Variants in LGI3 observed in about 807,000 individuals in gnomAD.
LGI3 encodes the protein leucine-rich repeat LGI family member 3.
A neutral mutation model predicts 55.4 loss-of-function variants in LGI3; 47 were observed. The observed-to-expected ratio is 0.85, with a 90% confidence interval of 0.67 to 1.08. The LOEUF (loss-of-function observed/expected upper bound fraction) is 1.08. Among genes scored for constraint, LGI3 ranks in the 50% least tolerant of loss-of-function variants. The pLI is 0.00. For synonymous variants in LGI3, 326 were observed against 315.0 expected (o/e 1.04, Z -0.37); for missense variants, 664 against 726.3 (o/e 0.91, Z 0.99).
chr8:22,154,496 G>C (rs565946310), intron 3 of LGI3, 64 bp downstream of exon 3: 2 of 1,426,992 alleles, frequency 1.4e-6, no homozygotes, highest in Non-Finnish European at 2.0e-6. Context: ...CCAGTCCCTC[G>C]GCCTCCCAGG....
intron 6 of LGI3, 63 bp downstream of exon 6, chr8:22,151,768 C>T (rs1827381933): frequency 3.2e-6 from 5 of 1,570,734 alleles, no homozygotes; most frequent in South Asian, 1.2e-5. Flanking sequence ...TGGGGGGTTT[C>T]GTGTCTGTAA....
chr8:22,148,924 C>A lies in LGI3; in HGVS notation c.883G>T (p.Val295Phe). The stretch of plus-strand genomic sequence containing the variant: ...GAGCCGCCAAACAGCTGGGCCACGA[C>A]CACGTACAGCTGGCTGTCCACCACC... Reference protein sequence around the residue: ...PMVVDSQLYVVVAQLFGGSYI... With the variant: ...PMVVDSQLYVFVAQLFGGSYI... The change falls in exon 8 of 8, where the codon GTC becomes TTC. Residue 295 changes from valine (V) to phenylalanine (F), a missense_variant. Val to Phe is a conservative substitution (Grantham distance 50). Transcript: ENST00000306317. This position sits in a 1 kb window ranked among gnomAD's most constrained non-coding sequence, Gnocchi z 7.0. The A allele has an allele frequency of 2.5e-6, 4 of 1,614,028 alleles. No homozygotes were observed. The highest frequency in any genetic ancestry group is 3.4e-6 in the Non-Finnish European group (4 of 1,179,974).
At position 22,148,754 on chromosome 8, in the gene LGI3, T is replaced by A. The variant is rs1243144386; in HGVS notation, c.1053A>T (p.Ala351=). 5.0e-6 allele frequency: 8 copies of A among 1,614,048 alleles called. No homozygotes were observed. The highest frequency in any genetic ancestry group is 6.8e-6 in the Non-Finnish European group (8 of 1,180,030). ...GCCAGCGGTAGAGGCTGGTGGCGCC[T>A]GCCTTGGAGCTGTCAGCCACGGCAA... ...WYFAVADSSK[A]GATSLYRWHQ... is the part of the protein sequence containing the mutation. The change falls in exon 8 of 8, where the codon GCA becomes GCT. Residue 351 remains alanine (A), a synonymous_variant. Transcript: ENST00000306317. This position sits in a 1 kb window ranked among gnomAD's most constrained non-coding sequence, Gnocchi z 7.0.
rs578035644 is a variant in LGI3 at position 22,149,489 on chromosome 8, G to A, written c.830-512C>T. Among the ~76,000 whole-genome samples, 5 of 152,280 alleles carry A rather than the reference G, an allele frequency of 3.3e-5. No homozygotes were observed. In the East Asian group the frequency reaches 5.8e-4, roughly 18 times the overall value. On this transcript the variant is annotated intron_variant, in intron 7 of 7. Transcript: ENST00000306317. ...GGGAGAATTTGAGTGGATCCACAGC[G>A]GGGAGAGAAATCTTAGGTATACCCA...
In LGI3 at chr8:22,151,932, G is replaced by A. The variant is rs1291876665; in HGVS notation, c.563C>T (p.Thr188Ile). ...GTAGATGGGTGCCACCGTGGTGTTG[G>A]TGTGTGCCAGCCACTCCACCAACCA... is the stretch of plus-strand genomic sequence containing the variant. ...VKWLVEWLAH[T>I]NTTVAPIYCA... Residue 188 changes from threonine (T) to isoleucine (I), a missense_variant, in exon 6 of 8, where the codon ACC becomes ATC. Physicochemically the swap from Thr to Ile is moderately conservative, Grantham distance 89 (BLOSUM62 -1). Transcript: ENST00000306317. The A allele has an allele frequency of 6.2e-7, 1 of 1,613,092 alleles. No homozygotes were observed.
chr8:22,152,033 A>G lies in LGI3; in HGVS notation c.495-33T>C, dbSNP rs78659711. 12,157 of 1,548,082 alleles carry G rather than the reference A, an allele frequency of 7.9e-3. 560 individuals carry two copies. The African/African-American group carries it at 0.12, about 15-fold the overall frequency. On this transcript the variant is annotated intron_variant, in intron 5 of 7. Coordinates refer to ENST00000306317, the MANE Select transcript of LGI3 (RefSeq NM_139278.4). ...ATGAGGGCAGAGGAGGGGGGCACAG[A>G]GAAAGACATGCTCTCAGGGCTCTGC...
In LGI3 at chr8:22,148,878, G is replaced by A; in HGVS notation, c.929C>T (p.Pro310Leu). The A allele has an allele frequency of 1.2e-6, 2 of 1,614,152 alleles. No homozygotes were observed. The highest frequency in any genetic ancestry group is 2.7e-5 in the African/African-American group (2 of 75,030). ...FGGSYIYHWD[P>L]NTTRFTRLQD... The stretch of plus-strand genomic sequence containing the variant: ...CAGCCTGGTGAAGCGCGTGGTGTTG[G>A]GATCCCAGTGGTAAATGTAAGAGCC... Residue 310 changes from proline (P) to leucine (L), a missense_variant, in exon 8 of 8, where the codon CCC becomes CTC. Pro to Leu is a moderately conservative substitution (Grantham distance 98). Coordinates refer to ENST00000306317, the MANE Select transcript of LGI3 (RefSeq NM_139278.4). This position sits in a 1 kb window ranked among gnomAD's most constrained non-coding sequence, Gnocchi z 7.0.
chr8:22,154,622 G>A lies in LGI3; in HGVS notation c.288C>T (p.Asn96=), dbSNP rs535218872. The change falls in exon 3 of 8, where the codon AAC becomes AAT. Residue 96 remains asparagine, a synonymous_variant. Coordinates refer to ENST00000306317, the MANE Select transcript of LGI3 (RefSeq NM_139278.4). The part of the protein sequence containing the change: ...HLPLLQFLLL[N]SNKFTLIGDN... ...CTCCAATCAGTGTAAACTTGTTGGA[G>A]TTGAGTAACCTGCAGAGACAAAGGT... 7 of 1,613,564 alleles carry A rather than the reference G, an allele frequency of 4.3e-6. No homozygotes were observed. Among genetic ancestry groups the A allele is most frequent in the Admixed American group, 1.7e-5 (1 of 60,020 alleles).
intron 7 of LGI3, among the ~76,000 whole-genome samples, chr8:22,149,863 C>T (rs565800522): frequency 5.9e-5 from 9 of 152,266 alleles, no homozygotes; most frequent in African/African-American, 2.2e-4. Context: ...TGCCCAGATG[C>T]TAATGACCCC....
Position 22,148,684 on chromosome 8 carries a change from G to A in LGI3, c.1123C>T (p.Arg375Cys), listed in dbSNP as rs138233100. 11 of 1,613,972 alleles carry A rather than the reference G, an allele frequency of 6.8e-6. No individual in the cohort carries two copies. The highest frequency in any genetic ancestry group is 4.0e-5 in the African/African-American group (3 of 74,920). Reference protein sequence around the residue: ...YSHQALHPWHRDTDLEFVDGE... With the variant: ...YSHQALHPWHCDTDLEFVDGE... The stretch of plus-strand genomic sequence containing the variant: ...TCCACAAACTCCAGGTCGGTGTCAC[G>A]GTGCCAGGGGTGCAGTGCCTGGTGG... Residue 375 changes from arginine to cysteine, a missense_variant, in exon 8 of 8, where the codon CGT becomes TGT. Physicochemically the swap from Arg to Cys is radical, Grantham distance 180 (BLOSUM62 -3). Coordinates refer to ENST00000306317, the MANE Select transcript of LGI3 (RefSeq NM_139278.4). This position sits in a 1 kb window ranked among gnomAD's most constrained non-coding sequence, Gnocchi z 7.0.
intron 1 of LGI3, 96 bp downstream of exon 1, chr8:22,156,241 C>T: frequency 7.4e-7 from 1 of 1,359,688 alleles, no homozygotes; most frequent in Non-Finnish European, 1.0e-6. Flanking sequence ...TCCCCGCACT[C>T]TGAAGAGGGG....
chr8:22,153,529 C>T (rs1420415759), intron 5 of LGI3, among the ~76,000 whole-genome samples: 4 of 151,728 alleles, frequency 2.6e-5, no homozygotes, highest in East Asian at 3.9e-4. Context: ...GGTGAAACCC[C>T]GTCTATACTA....
At chr8:22,149,332 C>T (rs539869949) in intron 7 of LGI3, among the ~76,000 whole-genome samples, 12 of 152,238 alleles carry the variant, frequency 7.9e-5, no homozygotes, top group Admixed American at 4.6e-4. Context: ...CATGTTACAT[C>T]GATGAGGAAT....
rs1827331436 is a variant in LGI3, at chr8:22,148,267, GAGGA to G, written c.1536_1539del (p.Pro513GlyfsTer110). The G allele has an allele frequency of 6.2e-7, 1 of 1,613,986 alleles. No individual in the cohort carries two copies. Among genetic ancestry groups the G allele is most frequent in the African/African-American group, 1.3e-5 (1 of 74,922 alleles). On this transcript the variant is annotated frameshift_variant, in exon 8 of 8. Coordinates refer to ENST00000306317, the MANE Select transcript of LGI3 (RefSeq NM_139278.4). LOFTEE classifies it high-confidence loss of function. This position sits in a 1 kb window ranked among gnomAD's most constrained non-coding sequence, Gnocchi z 7.0. ...CCAGCAGGCATGTAGCAGAAGGCCC[GAGGA>G]GCCTGCACAGCCAGCTCCTGGAACC...
At chr8:22,152,853 C>A (rs1247855854) in intron 5 of LGI3, among the ~76,000 whole-genome samples, 1 of 151,292 alleles carries the variant, frequency 6.6e-6, no homozygotes, top group Non-Finnish European at 1.5e-5. Flanking sequence ...GAGTTCAAGA[C>A]CAGCCTGACC....
chr8:22,151,490 T>A lies in LGI3; in HGVS notation c.828A>T (p.Pro276=), dbSNP rs752029108. 40 of 1,613,508 alleles carry A rather than the reference T, an allele frequency of 2.5e-5. No individual in the cohort carries two copies. The highest frequency in any genetic ancestry group is 3.4e-5 in the Non-Finnish European group (40 of 1,179,790). ...ERQLRDYDRI[P]APSAVHCKPM... ...CAGAACCAGATTGGGCGCAGGTACCTGGGATTCTATCATAGTCTCGAAGCT... is the reference window on the plus strand; with the variant it reads ...CAGAACCAGATTGGGCGCAGGTACCAGGGATTCTATCATAGTCTCGAAGCT... The change falls in exon 7 of 8, where the codon CCA becomes CCT. Residue 276 remains proline (P), a splice_region_variant and synonymous_variant. Coordinates refer to ENST00000306317, the MANE Select transcript of LGI3 (RefSeq NM_139278.4).
chr8:22,156,149 G>A (rs556895153), intron 1 of LGI3, among the ~76,000 whole-genome samples, 188 bp downstream of exon 1: 2 of 152,296 alleles, frequency 1.3e-5, no homozygotes, highest in East Asian at 1.9e-4. Context: ...ACCCATGGCC[G>A]CTGAGCCTGC....
chr8:22,154,134 G>A lies in LGI3; in HGVS notation c.422+8C>T, dbSNP rs369069314. The A allele has an allele frequency of 8.1e-6, 13 of 1,608,732 alleles. No individual in the cohort carries two copies. Among genetic ancestry groups the A allele is most frequent in the African/African-American group, 1.3e-5 (1 of 74,940 alleles). On this transcript the variant is annotated splice_region_variant and intron_variant, in intron 4 of 7. Coordinates refer to ENST00000306317, the MANE Select transcript of LGI3 (RefSeq NM_139278.4). ...TTGGTGCAGTGTGTGTATGTGTGAC[G>A]TACTCACAGGTGAGTCAAGGACTTG...
Position 22,151,585 on chromosome 8 carries a change from G to A in LGI3, c.733C>T (p.Leu245Phe), listed in dbSNP as rs756659654. ...CCTGGCTGGGCCAGAGCCAAATAGA[G>A]GTCACTGGAGTAGAGGAAGGGCTCA... is the stretch of plus-strand genomic sequence containing the variant. ...SAEPFLYSSD[L>F]YLALAQPGVS... Residue 245 changes from leucine to phenylalanine, a missense_variant, in exon 7 of 8, where the codon CTC (leucine) becomes TTC (phenylalanine). Leu to Phe is a conservative substitution (Grantham distance 22). Transcript: ENST00000306317. 4 of 1,613,906 alleles carry A rather than the reference G, an allele frequency of 2.5e-6. No homozygotes were observed. In the South Asian group the frequency reaches 3.3e-5, roughly 13 times the overall value.
Sources: gnomAD v4.1 joint callset for allele counts (sites outside exome capture counted in the v4.1 genomes callset) on GRCh38, gnomAD v4.1.1 for gene constraint, Gnocchi (gnomAD v3.1) non-coding constraint, MANE v1.5 for transcripts, NCBI Gene and HGNC (gene_info 2026-07-23, HGNC 2026-07-21) for gene names.